Variants in PLD5 observed in about 807,000 individuals in gnomAD.
PLD5 encodes phospholipase D family member 5.
In PLD5, 36 loss-of-function variants were observed where a neutral mutation model predicts 61.1. That is an observed-to-expected ratio of 0.59 (90% CI 0.45 to 0.78). The LOEUF is 0.78. Among genes scored for constraint, PLD5 ranks in the 30% least tolerant of loss-of-function variants. The pLI is 0.00. For synonymous variants in PLD5, 243 were observed against 242.8 expected, an observed-to-expected ratio of 1.00 and a Z score of -0.01; for missense variants, 515 against 644.4, an observed-to-expected ratio of 0.80 and a Z score of 2.17.
intron 1 of PLD5, among the ~76,000 whole-genome samples, chr1:242,495,318 G>T (rs1299101644): frequency 1.3e-5 from 2 of 152,072 alleles, no homozygotes; most frequent in South Asian, 2.1e-4. Context: ...TAGCTAGACG[G>T]ACACCACTTC....
intron 2 of PLD5, among the ~76,000 whole-genome samples, chr1:242,336,660 T>C (rs1039108355): frequency 3.3e-5 from 5 of 152,192 alleles, no homozygotes; most frequent in African/African-American, 1.2e-4. Context: ...AGTGTTTGCA[T>C]CTGGGCAAGG....
At chr1:242,252,967 C>T (rs558384726) in intron 4 of PLD5, among the ~76,000 whole-genome samples, 2 of 151,862 alleles carry the variant, frequency 1.3e-5, no homozygotes, top group African/African-American at 4.8e-5. Flanking sequence ...CAGGTGCACA[C>T]CACCAAGCCC....
intron 1 of PLD5, among the ~76,000 whole-genome samples, chr1:242,496,457 A>G (rs1205516722): frequency 6.6e-6 from 1 of 152,254 alleles, no homozygotes; most frequent in Non-Finnish European, 1.5e-5. Flanking sequence ...CTTCTACCAC[A>G]GCCTTATCAA....
At chr1:242,438,439 CTTTTTTT>C (rs1171422837) in intron 1 of PLD5, among the ~76,000 whole-genome samples, 196 of 120,522 alleles carry the variant, frequency 1.6e-3, no homozygotes, top group African/African-American at 4.4e-3. Flanking sequence ...AATTTTTTTT[CTTTTTTT>C]TTTTTTTTTT....
chr1:242,208,275 A>G (rs150362319), intron 5 of PLD5, among the ~76,000 whole-genome samples: 35 of 151,916 alleles, frequency 2.3e-4, no homozygotes, highest in East Asian at 5.8e-4. Flanking sequence ...CTCAAATTCC[A>G]TCTTCTCTCT....
chr1:242,258,865 AT>A (rs1168158839), intron 4 of PLD5, among the ~76,000 whole-genome samples: 1 of 152,208 alleles, frequency 6.6e-6, no homozygotes, highest in East Asian at 1.9e-4. Context: ...GCAAAAAGTG[AT>A]TCAGAAACAT....
At chr1:242,511,688 T>G (rs558419036) in intron 1 of PLD5, among the ~76,000 whole-genome samples, 30 of 151,992 alleles carry the variant, frequency 2.0e-4, no homozygotes, top group African/African-American at 7.2e-4. Context: ...AAGGAAAGCT[T>G]GAGAAACTGT....
rs540230343 is a variant in PLD5, at chr1:242,337,613, G to A, written c.326+10493C>T. The stretch of plus-strand genomic sequence containing the variant: ...GCCATTGCACTCCAGCCAGGGCAAC[G>A]AGAGCAAAACACCGTCTCAAATAAA... On this transcript the variant is annotated intron_variant, in intron 2 of 9. Transcript: ENST00000536534. 1.8e-4 allele frequency among the ~76,000 whole-genome samples: 28 copies of A among 152,276 alleles called. No individual in the cohort carries two copies. The East Asian group carries it at 4.3e-3, about 23-fold the overall frequency.
chr1:242,446,706 G>A (rs1287649293), intron 1 of PLD5, among the ~76,000 whole-genome samples: 2 of 152,216 alleles, frequency 1.3e-5, no homozygotes, highest in African/African-American at 2.4e-5. Context: ...TAAGGTGTTC[G>A]TGAGCAAATG....
At chr1:242,348,049 C>A (rs1349100029) in intron 2 of PLD5, 57 bp downstream of exon 2, 3 of 1,588,756 alleles carry the variant, frequency 1.9e-6, no homozygotes, top group Non-Finnish European at 2.6e-6. Context: ...TGTTCAAGGC[C>A]CTCTTTGGAT....
In PLD5 at chr1:242,524,431, G is replaced by T; in HGVS notation, c.-155C>A. The T allele has an allele frequency of 1.4e-6, 1 of 697,520 alleles. No homozygotes were observed. The highest frequency in any genetic ancestry group is 2.0e-6 in the Non-Finnish European group (1 of 502,988). 43.2% of individuals were successfully genotyped at this position (697,520 alleles called of 1,614,324 possible). A position where few individuals can be genotyped will look rare whatever the true frequency, so the allele number is the denominator to read the frequency against. Reference sequence around the variant, plus strand: ...GGAGGAGCGAGCGGGCGCGGGGAGCGCGGGGTGCTGAGCGCCAGCTGGGAG... The same window carrying T: ...GGAGGAGCGAGCGGGCGCGGGGAGCTCGGGGTGCTGAGCGCCAGCTGGGAG... On this transcript the variant is annotated 5_prime_UTR_variant, in exon 1 of 10. Transcript: ENST00000536534.
At chr1:242,467,676 G>C (rs1335259714) in intron 1 of PLD5, among the ~76,000 whole-genome samples, 1 of 152,168 alleles carries the variant, frequency 6.6e-6, no homozygotes, top group African/African-American at 2.4e-5. Flanking sequence ...GAAAATCCAA[G>C]TTAAACAGAA....
At chr1:242,306,744 C>CACACAT (rs1676376696) in intron 2 of PLD5, among the ~76,000 whole-genome samples, 3 of 104 alleles carry the variant, frequency 0.029, no homozygotes, top group Admixed American at 0.25. Flanking sequence ...TATTAAAACA[C>CACACAT]ACACACACAC....
chr1:242,101,605 C>T (rs12085700), intron 8 of PLD5, among the ~76,000 whole-genome samples: 3,207 of 152,282 alleles, frequency 0.021, 124 homozygotes, highest in African/African-American at 0.073. Context: ...ATTTTCAGAA[C>T]TGCGTGGAAC....
intron 1 of PLD5, among the ~76,000 whole-genome samples, chr1:242,466,735 T>A (rs1375378117): frequency 1.3e-5 from 2 of 151,782 alleles, no homozygotes; most frequent in Non-Finnish European, 2.9e-5. Context: ...TCTATTAAAA[T>A]CACAAAAATT....
intron 1 of PLD5, among the ~76,000 whole-genome samples, chr1:242,503,646 G>A (rs928433968): frequency 6.6e-6 from 1 of 152,140 alleles, no homozygotes; most frequent in Non-Finnish European, 1.5e-5. Context: ...TCCCTTGCCA[G>A]CAACTGGTTT....
At chr1:242,523,306 T>C (rs922088385) in intron 1 of PLD5, among the ~76,000 whole-genome samples, 1 of 152,126 alleles carries the variant, frequency 6.6e-6, no homozygotes, top group East Asian at 1.9e-4. Context: ...ATGGATCAAA[T>C]TTGAAACTGT....
intron 3 of PLD5, among the ~76,000 whole-genome samples, chr1:242,285,396 G>C (rs933210553): frequency 6.6e-6 from 1 of 152,160 alleles, no homozygotes; most frequent in African/African-American, 2.4e-5. Flanking sequence ...TACTCAGGAG[G>C]CTGTGGCAGG....
chr1:242,159,980 T>TA (rs1196676577), intron 5 of PLD5, among the ~76,000 whole-genome samples: 1 of 152,146 alleles, frequency 6.6e-6, no homozygotes, highest in Non-Finnish European at 1.5e-5. Context: ...AGCAATTCAT[T>TA]AAAAATATTA....
Sources: allele counts gnomAD v4.1 joint callset (sites outside exome capture counted in the v4.1 genomes callset), GRCh38; gene constraint gnomAD v4.1.1; transcripts MANE v1.5; gene names NCBI Gene and HGNC (gene_info 2026-07-23, HGNC 2026-07-21).